The following HIBCH variants were observed in gnomAD, a reference collection of about 807,000 sequenced individuals.
The protein encoded by HIBCH is 3-hydroxyisobutyryl-CoA hydrolase, mitochondrial.
In HIBCH, 50 loss-of-function variants were observed where a neutral mutation model predicts 58.2. That is an observed-to-expected ratio of 0.86 (90% CI 0.68 to 1.09). HIBCH has a LOEUF of 1.09. HIBCH is among the 50% of genes least tolerant of loss of function. The pLI, the probability that HIBCH is intolerant of heterozygous loss-of-function variation, is 0.00. For synonymous variants in HIBCH, 151 were observed against 146.9 expected, an observed-to-expected ratio of 1.03 and a Z score of -0.20; for missense variants, 450 against 449.7, an observed-to-expected ratio of 1.00 and a Z score of -0.01.
intron 9 of HIBCH, among the ~76,000 whole-genome samples, chr2:190,246,758 A>G (rs896104679): frequency 1.3e-5 from 2 of 152,224 alleles, no homozygotes; most frequent in African/African-American, 2.4e-5. Flanking sequence ...CACATGACAC[A>G]GTTTTGTGTC....
In HIBCH at chr2:190,197,057, T is replaced by C. The variant is rs1690013873; in HGVS notation, c.*18-7060A>G. ...TTTTCACTGTGGCCTCACATGTCAG[T>C]AGGGGCAAGGGAACTCTCTGGGGTC... On this transcript the variant is annotated intron_variant, in intron 1 of 1. Coordinates refer to the HIBCH transcript ENST00000399855. The surrounding 1 kb of genome is among the most constrained non-coding windows in gnomAD (Gnocchi z 4.0). Among the ~76,000 whole-genome samples, 1 of 152,120 alleles carries C rather than the reference T, an allele frequency of 6.6e-6. No individual in the cohort carries two copies. The highest frequency in any genetic ancestry group is 2.4e-5 in the African/African-American group (1 of 41,410).
intron 11 of HIBCH, among the ~76,000 whole-genome samples, chr2:190,237,986 C>A (rs1453306291): frequency 1.3e-5 from 2 of 152,160 alleles, no homozygotes; most frequent in African/African-American, 4.8e-5. Flanking sequence ...CATGTCCCTG[C>A]AAAGGACATG....
chr2:190,294,072 A>G (rs1312399461), intron 4 of HIBCH, among the ~76,000 whole-genome samples: 1 of 146,338 alleles, frequency 6.8e-6, no homozygotes, highest in Non-Finnish European at 1.5e-5. Context: ...GATAAATGCT[A>G]TAAATAAGTA....
intron 6 of HIBCH, among the ~76,000 whole-genome samples, chr2:190,267,922 C>A (rs780301210): frequency 2.0e-5 from 3 of 152,168 alleles, no homozygotes; most frequent in African/African-American, 7.2e-5. Context: ...CCTGACTAGA[C>A]TGAGATGATC....
intron 6 of HIBCH, among the ~76,000 whole-genome samples, chr2:190,266,381 G>A (rs913185702): frequency 6.6e-6 from 1 of 152,116 alleles, no homozygotes; most frequent in Non-Finnish European, 1.5e-5. Flanking sequence ...TTATGATTGT[G>A]GTTCTATTTC....
At chr2:190,293,158 G>A (rs942437060) in intron 4 of HIBCH, among the ~76,000 whole-genome samples, 4 of 152,098 alleles carry the variant, frequency 2.6e-5, no homozygotes, top group African/African-American at 7.3e-5. Context: ...CAGGCCAGAC[G>A]AAAGGCTAAT....
In HIBCH at chr2:190,207,096, T is replaced by C. The variant is rs1173922707; in HGVS notation, c.1045+1784A>G. The stretch of plus-strand genomic sequence containing the variant: ...GAGATTTTGCCACTGCTCTCCAGCC[T>C]GGGTGACAGAGTGAGACTCCATCTC... On this transcript the variant is annotated intron_variant, in intron 13 of 13. Coordinates refer to ENST00000359678, the MANE Select transcript of HIBCH (RefSeq NM_014362.4). The surrounding 1 kb of genome is among the most constrained non-coding windows in gnomAD (Gnocchi z 4.5). Among the ~76,000 whole-genome samples the C allele has an allele frequency of 6.6e-6, 1 of 152,110 alleles. No individual in the cohort carries two copies. The highest frequency in any genetic ancestry group is 1.5e-5 in the Non-Finnish European group (1 of 68,034).
At chr2:190,238,242 G>A (rs931383587) in intron 11 of HIBCH, among the ~76,000 whole-genome samples, 8 of 152,004 alleles carry the variant, frequency 5.3e-5, no homozygotes, top group East Asian at 3.9e-4. Flanking sequence ...TTGAGGAATC[G>A]GCACATTGTC....
At chr2:190,248,407 G>A (rs772287077) in intron 9 of HIBCH, among the ~76,000 whole-genome samples, 6 of 152,092 alleles carry the variant, frequency 3.9e-5, no homozygotes, top group Non-Finnish European at 8.8e-5. Context: ...CTAGGGAAAA[G>A]GGACAGAGGT....
chr2:190,192,994 G>C (rs747306207), intron 1 of HIBCH, among the ~76,000 whole-genome samples: 5 of 151,742 alleles, frequency 3.3e-5, no homozygotes, highest in Non-Finnish European at 5.9e-5. Flanking sequence ...TTTATGCTTT[G>C]TATGTCTTCC....
In HIBCH at chr2:190,205,179, CTT is replaced by C. The variant is rs1438724630; in HGVS notation, c.1097_1098del (p.Glu366GlyfsTer3). The C allele has an allele frequency of 6.2e-7, 1 of 1,611,520 alleles. No homozygotes were observed. Among genetic ancestry groups the C allele is most frequent in the Non-Finnish European group, 8.5e-7 (1 of 1,178,250 alleles). Reference sequence around the variant, plus strand: ...TGATTATTCAAATCTTCCTCAGTAACTTCTTTTAGATCAGCTGGTTTCCATTT... The same window carrying C: ...TGATTATTCAAATCTTCCTCAGTAACCTTTTAGATCAGCTGGTTTCCATTT... ...SPKWKPADLK[E>X]VTEEDLNNHF... On this transcript the variant is annotated frameshift_variant, in exon 14 of 14. Transcript: ENST00000359678. LOFTEE classifies it high-confidence loss of function.
intron 13 of HIBCH, chr2:190,208,563 C>T (rs540572451): frequency 2.1e-5 from 8 of 377,260 alleles, no homozygotes; most frequent in Non-Finnish European, 2.9e-5. Flanking sequence ...TAAAAACATA[C>T]ACAACTTTGC....
rs1486719447 is a variant in HIBCH, at chr2:190,279,027, C to A, written c.438+8559G>T. Among the ~76,000 whole-genome samples the A allele has an allele frequency of 9.2e-5, 14 of 152,178 alleles. No homozygotes were observed. Among genetic ancestry groups the A allele is most frequent in the African/African-American group, 3.4e-4 (14 of 41,436 alleles). On this transcript the variant is annotated intron_variant, in intron 6 of 13. Coordinates refer to ENST00000359678, the MANE Select transcript of HIBCH (RefSeq NM_014362.4). This position sits in a 1 kb window ranked among gnomAD's most constrained non-coding sequence, Gnocchi z 4.2. Reference sequence around the variant, plus strand: ...AAGAAAAGGAATCTATGTCTTACAGCTCTTCTGGAGATTGGGAAAGCCAAG... The same window carrying A: ...AAGAAAAGGAATCTATGTCTTACAGATCTTCTGGAGATTGGGAAAGCCAAG...
intron 1 of HIBCH, among the ~76,000 whole-genome samples, chr2:190,195,494 A>C (rs116685609): frequency 6.6e-6 from 1 of 152,310 alleles, no homozygotes; most frequent in Non-Finnish European, 1.5e-5. Context: ...TAAATTTACA[A>C]TTCCTGAATG....
At chr2:190,193,672 A>G (rs1447893676) in intron 1 of HIBCH, among the ~76,000 whole-genome samples, 1 of 152,166 alleles carries the variant, frequency 6.6e-6, no homozygotes, top group Non-Finnish European at 1.5e-5. Context: ...AAACGTATAT[A>G]GATGTCATAA....
intron 2 of HIBCH, among the ~76,000 whole-genome samples, chr2:190,302,470 T>G (rs142324109): frequency 1.3e-5 from 2 of 152,146 alleles, no homozygotes; most frequent in Non-Finnish European, 2.9e-5. Flanking sequence ...CCTCCCTACA[T>G]AGACTGGCCA....
intron 2 of HIBCH, 23 bp downstream of exon 2, chr2:190,310,731 G>A (rs374289204): frequency 1.9e-5 from 30 of 1,582,828 alleles, no homozygotes; most frequent in Non-Finnish European, 2.4e-5. Context: ...AATAATGCCA[G>A]CAAAACAAAC....
rs112140105 is a variant in HIBCH, at chr2:190,256,354, G to A, written c.518-4047C>T. Among the ~76,000 whole-genome samples, 891 of 150,916 alleles carry A rather than the reference G, an allele frequency of 5.9e-3. 11 individuals are homozygous for A. Among genetic ancestry groups the A allele is most frequent in the African/African-American group, 0.021 (856 of 40,472 alleles). ...TGGACTAGAAAAACTCATGATTGAT[G>A]TCATGGGGCACTGTGCAGAACACAA... On this transcript the variant is annotated intron_variant, in intron 7 of 13. Coordinates refer to ENST00000359678, the MANE Select transcript of HIBCH (RefSeq NM_014362.4).
chr2:190,256,680 G>A (rs934770959), intron 7 of HIBCH, among the ~76,000 whole-genome samples: 9 of 151,920 alleles, frequency 5.9e-5, no homozygotes, highest in African/African-American at 1.2e-4. Context: ...AATAAGAACC[G>A]ACATAAATGT....
Sources: allele counts gnomAD v4.1 joint callset (sites outside exome capture counted in the v4.1 genomes callset), GRCh38; gene constraint gnomAD v4.1.1; non-coding constraint Gnocchi (gnomAD v3.1); transcripts MANE v1.5; gene names NCBI Gene and HGNC (gene_info 2026-07-23, HGNC 2026-07-21).